The following LAPTM5 variants were observed in gnomAD, a reference collection of about 807,000 sequenced individuals.
LAPTM5 encodes the protein lysosomal-associated transmembrane protein 5.
LAPTM5 carries 11 observed loss-of-function variants against 30.1 expected under a neutral mutation model. The ratio of observed to expected loss-of-function variants is 0.37; its 90% CI spans 0.23 to 0.60. The LOEUF (loss-of-function observed/expected upper bound fraction) is 0.60. LAPTM5 is among the 20% of genes least tolerant of loss of function. The pLI is 0.71. For synonymous variants in LAPTM5, 151 were observed against 137.9 expected (o/e 1.10, Z -0.67); for missense variants, 324 against 332.5 (o/e 0.97, Z 0.20).
intron 1 of LAPTM5, among the ~76,000 whole-genome samples, chr1:30,749,390 G>A (rs1234762589): frequency 6.6e-6 from 1 of 152,204 alleles, no homozygotes; most frequent in Non-Finnish European, 1.5e-5. Flanking sequence ...TGATTTCTTA[G>A]TTTGGGTGGA....
intron 1 of LAPTM5, among the ~76,000 whole-genome samples, chr1:30,743,292 G>A (rs1639996586): frequency 1.3e-5 from 2 of 151,924 alleles, no homozygotes; most frequent in South Asian, 4.1e-4. Context: ...CCTAGCTGTT[G>A]TATTTGTTGA....
chr1:30,740,884 C>T (rs1407454916), intron 3 of LAPTM5, among the ~76,000 whole-genome samples: 1 of 152,230 alleles, frequency 6.6e-6, no homozygotes, highest in Non-Finnish European at 1.5e-5. Context: ...CATCGCCCCA[C>T]TCCTCCGGCC....
chr1:30,737,657 T>G lies in LAPTM5; in HGVS notation c.553A>C (p.Ile185Leu). ...ATGGAAAAGATGATCATCATCTTGA[T>G]GAACTGGTTATGAGGCATATCCTCC... ...SQEDMPHNQF[I>L]KMMIIFSIAF... The change falls in exon 6 of 8, where the codon ATC becomes CTC. Residue 185 changes from isoleucine (I) to leucine (L), a missense_variant. Transcript: ENST00000294507. The G allele has an allele frequency of 6.2e-7, 1 of 1,613,914 alleles. No homozygotes were observed. Among genetic ancestry groups the G allele is most frequent in the African/African-American group, 1.3e-5 (1 of 75,038 alleles).
intron 6 of LAPTM5, among the ~76,000 whole-genome samples, chr1:30,736,313 C>T (rs1445372547): frequency 6.6e-6 from 1 of 152,166 alleles, no homozygotes; most frequent in Non-Finnish European, 1.5e-5. Flanking sequence ...TCTGCAGATG[C>T]CCACCCACCA....
At chr1:30,757,170 T>G (rs530993109) in intron 1 of LAPTM5, among the ~76,000 whole-genome samples, 2 of 152,150 alleles carry the variant, frequency 1.3e-5, no homozygotes, top group East Asian at 1.9e-4. Flanking sequence ...GATCCCCACT[T>G]CTCATCCCCT....
intron 2 of LAPTM5, chr1:30,742,172 C>T (rs544484217): frequency 5.2e-5 from 26 of 496,810 alleles, no homozygotes; most frequent in South Asian, 6.7e-5. Context: ...CAGCCACTGA[C>T]GGCTTTAAGC....
chr1:30,743,757 G>C (rs1640003359), intron 1 of LAPTM5, among the ~76,000 whole-genome samples: 1 of 146,734 alleles, frequency 6.8e-6, no homozygotes, highest in African/African-American at 2.5e-5. Context: ...CAGGCAACCA[G>C]CCACCCACCA....
chr1:30,743,894 A>G (rs1254755590), intron 1 of LAPTM5, among the ~76,000 whole-genome samples: 2 of 150,100 alleles, frequency 1.3e-5, no homozygotes. Flanking sequence ...ACTGAACGGA[A>G]GAGTGATGAA....
rs368516455 is a variant in LAPTM5, at chr1:30,739,276, G to T, written c.388-214C>A. 1.9e-6 allele frequency: 1 copy of T among 523,250 alleles called. No individual in the cohort carries two copies. The highest frequency in any genetic ancestry group is 3.3e-6 in the Non-Finnish European group (1 of 301,586). The allele number at this position is 523,250 out of a possible 1,614,324, so 32.4% of individuals were successfully genotyped here. A position where few individuals can be genotyped will look rare whatever the true frequency, so the allele number is the denominator to read the frequency against. Reference sequence around the variant, plus strand: ...CTAGAACCAAGGTCTCCAGACTCCCGGGCCAGGGCCCTTCCATGATGTAGC... The same window carrying T: ...CTAGAACCAAGGTCTCCAGACTCCCTGGCCAGGGCCCTTCCATGATGTAGC... On this transcript the variant is annotated intron_variant, in intron 4 of 7. Transcript: ENST00000294507. This position sits in a 1 kb window ranked among gnomAD's most constrained non-coding sequence, Gnocchi z 4.2.
chr1:30,733,755 G>T lies in LAPTM5; in HGVS notation c.*73C>A. ...GGGAGGGCCCACCCAGGCCACAGGG[G>T]CCACCAAAGCAAAAAAGCAGATTAT... On this transcript the variant is annotated 3_prime_UTR_variant, in exon 8 of 8. Coordinates refer to ENST00000294507, the MANE Select transcript of LAPTM5 (RefSeq NM_006762.3). 1 of 1,544,760 alleles carries T rather than the reference G, an allele frequency of 6.5e-7. No homozygotes were observed. Among genetic ancestry groups the T allele is most frequent in the Non-Finnish European group, 8.7e-7 (1 of 1,151,180 alleles).
At chr1:30,748,330 C>T (rs775001353) in intron 1 of LAPTM5, among the ~76,000 whole-genome samples, 9 of 152,094 alleles carry the variant, frequency 5.9e-5, no homozygotes. Flanking sequence ...TGCAGTTTGC[C>T]ATATGGGTCC....
chr1:30,741,603 G>A (rs376441273), intron 3 of LAPTM5, 37 bp downstream of exon 3: 11 of 1,509,032 alleles, frequency 7.3e-6, no homozygotes, highest in African/African-American at 1.4e-5. Flanking sequence ...TGAATAACAG[G>A]AAGGGGCAGG....
intron 1 of LAPTM5, among the ~76,000 whole-genome samples, chr1:30,749,565 C>T (rs1231411696): frequency 6.6e-6 from 1 of 152,194 alleles, no homozygotes; most frequent in African/African-American, 2.4e-5. Flanking sequence ...GAAGATGAAT[C>T]AGGCTGGGTC....
rs776331276 is a variant in LAPTM5 at position 30,738,936 on chromosome 1, T to A, written c.510+4A>T. ...ATGGGCATGGTTCCCTGCCCCAGAC[T>A]CACCATGTGGTTCATGGACTTGAAG... On this transcript the variant is annotated splice_donor_region_variant and intron_variant, in intron 5 of 7. Coordinates refer to ENST00000294507, the MANE Select transcript of LAPTM5 (RefSeq NM_006762.3). 3 of 1,600,818 alleles carry A rather than the reference T, an allele frequency of 1.9e-6. No individual in the cohort carries two copies. Among genetic ancestry groups the A allele is most frequent in the Non-Finnish European group, 2.6e-6 (3 of 1,173,938 alleles).
intron 5 of LAPTM5, among the ~76,000 whole-genome samples, chr1:30,738,333 C>T (rs1032382427): frequency 3.3e-5 from 5 of 152,190 alleles, no homozygotes; most frequent in Admixed American, 3.3e-4. Context: ...GCAGGGGAAG[C>T]CAGCAGCCAT....
chr1:30,738,871 G>T, intron 5 of LAPTM5, 69 bp downstream of exon 5: 1 of 1,506,324 alleles, frequency 6.6e-7, no homozygotes, highest in South Asian at 1.2e-5. Flanking sequence ...CAGACACACA[G>T]AGACGTGAAG....
chr1:30,740,339 C>T (rs928593035), intron 3 of LAPTM5, among the ~76,000 whole-genome samples: 26 of 151,940 alleles, frequency 1.7e-4, no homozygotes, highest in Admixed American at 1.3e-4. Flanking sequence ...GAGGGAGGGG[C>T]GGGGCACTGG....
intron 1 of LAPTM5, among the ~76,000 whole-genome samples, chr1:30,751,792 C>T (rs1040474534): frequency 3.3e-5 from 5 of 152,192 alleles, no homozygotes; most frequent in African/African-American, 1.2e-4. Flanking sequence ...ACTTCAGGCA[C>T]TCACCTGCTA....
At chr1:30,754,152 G>A (rs1033770250) in intron 1 of LAPTM5, among the ~76,000 whole-genome samples, 4 of 152,186 alleles carry the variant, frequency 2.6e-5, no homozygotes, top group African/African-American at 9.7e-5. Flanking sequence ...GGGCAAAAGT[G>A]TCTTCTGGGG....
Sources: gnomAD v4.1 joint callset for allele counts (sites outside exome capture counted in the v4.1 genomes callset) on GRCh38, gnomAD v4.1.1 for gene constraint, Gnocchi (gnomAD v3.1) non-coding constraint, MANE v1.5 for transcripts, NCBI Gene and HGNC (gene_info 2026-07-23, HGNC 2026-07-21) for gene names.